The following PXDN variants were observed in gnomAD, a reference collection of about 807,000 sequenced individuals.
The protein encoded by PXDN is peroxidasin.
Under a neutral mutation model 140.3 loss-of-function variants are expected in PXDN, and 77 were observed. The observed-to-expected ratio is 0.55, with a 90% CI of 0.46 to 0.66. PXDN has a LOEUF of 0.66. PXDN is among the 30% of genes least tolerant of loss of function. The pLI is 0.00. For synonymous variants in PXDN, 911 were observed against 857.4 expected, an observed-to-expected ratio of 1.06 and a Z score of -1.09; for missense variants, 1,838 against 2,039.5, an observed-to-expected ratio of 0.90 and a Z score of 1.90.
chr2:1,744,707 G>C (rs1031890841), upstream of PXDN: 4 of 308,994 alleles, frequency 1.3e-5, no homozygotes, highest in African/African-American at 6.6e-5. Context: ...GCGAGCGCTC[G>C]GGGGCGCGGA....
chr2:1,638,734 T>C, intron 21 of PXDN, 112 bp downstream of exon 21: 2 of 1,505,334 alleles, frequency 1.3e-6, no homozygotes, highest in Middle Eastern at 2.3e-4. Context: ...GGGTCCTGTG[T>C]GGGCAGTTGA....
chr2:1,684,041 C>A (rs1372451434), intron 5 of PXDN, 39 bp downstream of exon 5: 1 of 1,529,322 alleles, frequency 6.5e-7, no homozygotes, highest in Non-Finnish European at 8.9e-7. Context: ...GAGGCTTGGG[C>A]TCTGTGAATG....
At chr2:1,638,817 G>T (rs757836352) in intron 21 of PXDN, 29 bp downstream of exon 21, 23 of 1,613,412 alleles carry the variant, frequency 1.4e-5, no homozygotes, top group African/African-American at 5.3e-5. Context: ...ATCTTGGAGT[G>T]GGGGGACACA....
chr2:1,655,596 A>C (rs932052741), intron 14 of PXDN, among the ~76,000 whole-genome samples: 5 of 151,238 alleles, frequency 3.3e-5, no homozygotes, highest in Non-Finnish European at 7.4e-5. Context: ...TCCCCTCCTG[A>C]CAGGGACCTG....
intron 1 of PXDN, among the ~76,000 whole-genome samples, chr2:1,734,224 T>C (rs1442826275): frequency 2.0e-5 from 3 of 152,230 alleles, no homozygotes. Flanking sequence ...TCCCAGTACA[T>C]ACAAAAGTTC....
intron 1 of PXDN, among the ~76,000 whole-genome samples, chr2:1,712,971 C>A (rs1684817573): frequency 1.3e-5 from 2 of 152,210 alleles, no homozygotes; most frequent in African/African-American, 4.8e-5. Context: ...GTGATCCACC[C>A]GCCTTGGCCT....
At position 1,666,273 on chromosome 2, in the gene PXDN, G is replaced by A. The variant is rs1290732094; in HGVS notation, c.1232C>T (p.Ala411Val). 6.8e-6 allele frequency: 11 copies of A among 1,613,900 alleles called. No individual in the cohort carries two copies. The highest frequency in any genetic ancestry group is 9.3e-6 in the Non-Finnish European group (11 of 1,179,904). ...NVVQGDSGEYACSATNNIDSV... is the reference protein window; with the variant it reads ...NVVQGDSGEYVCSATNNIDSV... The stretch of plus-strand genomic sequence containing the variant: ...GTCAATGTTGTTGGTCGCAGAGCAC[G>A]CATACTCTCCGCTGTCCCCCTGTAC... The change falls in exon 10 of 23, where the codon GCG (alanine) becomes GTG (valine). Residue 411 changes from alanine to valine, a missense_variant. By Grantham distance (64) the Ala-to-Val change is moderately conservative. Coordinates refer to ENST00000252804, the MANE Select transcript of PXDN (RefSeq NM_012293.3).
intron 7 of PXDN, among the ~76,000 whole-genome samples, chr2:1,679,190 G>T (rs1221727427): frequency 6.6e-6 from 1 of 150,966 alleles, no homozygotes; most frequent in East Asian, 2.0e-4. Flanking sequence ...GCGTGTATGT[G>T]CGTGTGTGTG....
intron 1 of PXDN, among the ~76,000 whole-genome samples, chr2:1,720,707 TTCTCTCTC>T (rs200041810): frequency 1.5e-4 from 8 of 53,420 alleles, no homozygotes; most frequent in Admixed American, 9.6e-4. Flanking sequence ...CTGCATCTCT[TTCTCTCTC>T]TCTCTCTCTC....
In PXDN at chr2:1,649,113, C is replaced by T; in HGVS notation, c.2667G>A (p.Met889Ile). ...ACACGGAGTTCATGAGCAGCGAAGT[C>T]ATGCCGCTGCCGCACACAGGGCTGG... Reference protein sequence around the residue: ...VRSSPVCGSGMTSLLMNSVYP... With the variant: ...VRSSPVCGSGITSLLMNSVYP... Residue 889 changes from methionine to isoleucine, a missense_variant, in exon 17 of 23, where the codon ATG becomes ATA. This residue lies in a region of PXDN where 850 missense variants were observed against 894.1 expected (regional missense o/e 0.95). Transcript: ENST00000252804. This position sits in a 1 kb window ranked among gnomAD's most constrained non-coding sequence, Gnocchi z 7.1. 6.2e-7 allele frequency: 1 copy of T among 1,612,766 alleles called. No individual in the cohort carries two copies. The highest frequency in any genetic ancestry group is 1.1e-5 in the South Asian group (1 of 91,050).
At chr2:1,663,106 G>A (rs893580484) in intron 12 of PXDN, among the ~76,000 whole-genome samples, 8 of 152,292 alleles carry the variant, frequency 5.3e-5, no homozygotes, top group African/African-American at 1.9e-4. Flanking sequence ...TCATTGGAGA[G>A]AACAGGCAAA....
chr2:1,722,229 T>C (rs948620429), intron 1 of PXDN, among the ~76,000 whole-genome samples: 13 of 152,180 alleles, frequency 8.5e-5, no homozygotes, highest in Admixed American at 7.9e-4. Flanking sequence ...TTGAAAGCTC[T>C]CCACGTGGAC....
chr2:1,711,452 C>T (rs1684775364), intron 1 of PXDN, among the ~76,000 whole-genome samples: 4 of 135,984 alleles, frequency 2.9e-5, no homozygotes, highest in African/African-American at 5.8e-5. Context: ...TCCACCAGCA[C>T]CCACTCTCCA....
chr2:1,675,907 G>A (rs780342515), intron 8 of PXDN, among the ~76,000 whole-genome samples: 3 of 152,218 alleles, frequency 2.0e-5, no homozygotes, highest in Non-Finnish European at 4.4e-5. Context: ...GAGCAGCGCA[G>A]GAGTGCTGGG....
intron 21 of PXDN, 53 bp from the exon 22 acceptor site, chr2:1,635,574 G>T: frequency 7.8e-7 from 1 of 1,280,210 alleles, no homozygotes; most frequent in Non-Finnish European, 1.1e-6. Flanking sequence ...GTAACAGCTT[G>T]GCTCTTGTAT....
At chr2:1,641,128 G>A (rs1199872741) in intron 19 of PXDN, among the ~76,000 whole-genome samples, 3 of 152,218 alleles carry the variant, frequency 2.0e-5, no homozygotes, top group Admixed American at 1.3e-4. Context: ...TGTAGCTCAA[G>A]GACGTTCGCT....
intron 21 of PXDN, among the ~76,000 whole-genome samples, chr2:1,637,269 T>C (rs557178378): frequency 2.0e-5 from 3 of 152,108 alleles, no homozygotes; most frequent in Non-Finnish European, 2.9e-5. Context: ...AGGGTCAGCC[T>C]GGGTTTGTCT....
chr2:1,730,156 G>A (rs1048291558), intron 1 of PXDN, among the ~76,000 whole-genome samples: 7 of 152,304 alleles, frequency 4.6e-5, no homozygotes, highest in Middle Eastern at 3.4e-3. Context: ...AGCAATGTGA[G>A]TAATTTGTTT....
Position 1,657,612 on chromosome 2 carries a change from G to C in PXDN, c.1838-3104C>G, listed in dbSNP as rs547590526. ...CTGAAAGCAGCTCCCTCCTAACAGGGACCTGCCCCCTACTGACAAGGAACT... is the reference window on the plus strand; with the variant it reads ...CTGAAAGCAGCTCCCTCCTAACAGGCACCTGCCCCCTACTGACAAGGAACT... On this transcript the variant is annotated intron_variant, in intron 14 of 22. Transcript: ENST00000252804. 5.3e-5 allele frequency among the ~76,000 whole-genome samples: 8 copies of C among 150,218 alleles called. No individual in the cohort carries two copies. The East Asian group carries it at 1.2e-3, about 23-fold the overall frequency.
Sources: allele counts gnomAD v4.1 joint callset (sites outside exome capture counted in the v4.1 genomes callset), GRCh38; gene constraint gnomAD v4.1.1; regional missense constraint gnomAD v4.1.1; non-coding constraint Gnocchi (gnomAD v3.1); transcripts MANE v1.5; gene names NCBI Gene and HGNC (gene_info 2026-07-23, HGNC 2026-07-21).